Variants in RBMS3 observed in about 807,000 individuals in gnomAD.
The protein encoded by RBMS3 is RNA-binding motif, single-stranded-interacting protein 3.
Under a neutral mutation model 66.8 loss-of-function variants are expected in RBMS3, and 27 were observed. The ratio of observed to expected loss-of-function variants is 0.40; its 90% CI spans 0.30 to 0.56. The LOEUF (loss-of-function observed/expected upper bound fraction) is 0.56. Among genes scored for constraint, RBMS3 ranks in the 20% least tolerant of loss-of-function variants. The probability of loss-of-function intolerance (pLI) is 0.40; values close to 1 mark genes in which losing one functional copy is unlikely to be tolerated. For missense variants in RBMS3, 513 were observed against 549.5 expected, an observed-to-expected ratio of 0.93 and a Z score of 0.66; for synonymous variants, 188 against 183.0, an observed-to-expected ratio of 1.03 and a Z score of -0.22.
intron 10 of RBMS3, among the ~76,000 whole-genome samples, chr3:29,917,078 T>G (rs146709829): frequency 1.3e-5 from 2 of 152,180 alleles, no homozygotes; most frequent in East Asian, 3.9e-4. Flanking sequence ...CAACATACAT[T>G]TTTTGGGTGT....
chr3:29,294,077 T>A (rs958555455), intron 1 of RBMS3, among the ~76,000 whole-genome samples: 1 of 151,824 alleles, frequency 6.6e-6, no homozygotes, highest in Admixed American at 6.6e-5. Flanking sequence ...ACAGTTTTGA[T>A]CTCTGAATGC....
intron 4 of RBMS3, among the ~76,000 whole-genome samples, chr3:29,738,373 A>G (rs2054472685): frequency 6.6e-6 from 1 of 152,192 alleles, no homozygotes; most frequent in Non-Finnish European, 1.5e-5. Context: ...GTTCAATTAA[A>G]TATCTGGTAC....
chr3:29,454,533 C>T (rs891881408), intron 2 of RBMS3, among the ~76,000 whole-genome samples: 5 of 152,086 alleles, frequency 3.3e-5, no homozygotes, highest in African/African-American at 7.2e-5. Context: ...GTCTCTAATC[C>T]GCGTCACCAC....
intron 4 of RBMS3, among the ~76,000 whole-genome samples, chr3:29,646,219 G>C (rs2149204945): frequency 6.6e-6 from 1 of 152,326 alleles, no homozygotes; most frequent in East Asian, 1.9e-4. Flanking sequence ...AGACTGGACA[G>C]TACAAGTATA....
chr3:29,473,983 C>T (rs775126422), intron 2 of RBMS3, among the ~76,000 whole-genome samples: 9 of 152,228 alleles, frequency 5.9e-5, no homozygotes, highest in South Asian at 2.1e-4. Context: ...GCTCCTCAAG[C>T]GCCACCAAAG....
At chr3:29,471,995 A>G (rs979053452) in intron 2 of RBMS3, among the ~76,000 whole-genome samples, 2 of 152,140 alleles carry the variant, frequency 1.3e-5, no homozygotes, top group Non-Finnish European at 2.9e-5. Flanking sequence ...CATCCTCACT[A>G]GAAAACATTG....
intron 1 of RBMS3, among the ~76,000 whole-genome samples, chr3:29,404,204 A>G (rs945475450): frequency 2.0e-5 from 3 of 152,142 alleles, no homozygotes; most frequent in Admixed American, 1.3e-4. Context: ...CTCAGTTTCT[A>G]TAATTGATCT....
At chr3:29,531,279 C>T (rs1339352351) in intron 3 of RBMS3, among the ~76,000 whole-genome samples, 1 of 152,206 alleles carries the variant, frequency 6.6e-6, no homozygotes, top group Non-Finnish European at 1.5e-5. Flanking sequence ...TCAGAATCTG[C>T]ATTTTAACAA....
intron 6 of RBMS3, among the ~76,000 whole-genome samples, chr3:29,843,816 A>C (rs1327038626): frequency 6.6e-6 from 1 of 151,976 alleles, no homozygotes; most frequent in East Asian, 1.9e-4. Flanking sequence ...AGGCATTGTG[A>C]TATGCATCTG....
chr3:29,565,120 A>G (rs2046695262), intron 3 of RBMS3, among the ~76,000 whole-genome samples: 1 of 152,216 alleles, frequency 6.6e-6, no homozygotes, highest in Non-Finnish European at 1.5e-5. Context: ...ATAAACTGAT[A>G]TAAAATGAAG....
intron 14 of RBMS3, among the ~76,000 whole-genome samples, chr3:29,992,978 GAAGAGAATCTGTCAC>G (rs1698982924): frequency 1.3e-5 from 2 of 152,170 alleles, no homozygotes; most frequent in Admixed American, 6.5e-5. Context: ...AGTTGAGCAA[GAAGAGAATCTGTCAC>G]TTTTTAACTT....
At chr3:29,354,117 T>A (rs73828619) in intron 1 of RBMS3, among the ~76,000 whole-genome samples, 2,952 of 152,224 alleles carry the variant, frequency 0.019, 106 homozygotes, top group African/African-American at 0.067. Flanking sequence ...AATACTTTTT[T>A]AAATTACCCT....
intron 14 of RBMS3, among the ~76,000 whole-genome samples, chr3:30,000,744 T>C (rs1699563640): frequency 6.6e-6 from 1 of 152,142 alleles, no homozygotes. Flanking sequence ...TGTAGGGACA[T>C]GGATGAAACT....
At chr3:29,807,791 GGTGT>G (rs141326804) in intron 6 of RBMS3, among the ~76,000 whole-genome samples, 53 of 148,736 alleles carry the variant, frequency 3.6e-4, no homozygotes, top group Admixed American at 1.5e-3. Flanking sequence ...TATGTGAAGG[GGTGT>G]GTGTGTGTGT....
At chr3:29,705,667 C>T (rs886882052) in intron 4 of RBMS3, among the ~76,000 whole-genome samples, 9 of 152,248 alleles carry the variant, frequency 5.9e-5, no homozygotes, top group Middle Eastern at 3.4e-3. Flanking sequence ...CTGCACATCT[C>T]CTCTTGTAAT....
chr3:29,813,167 T>C (rs778842377), intron 6 of RBMS3, among the ~76,000 whole-genome samples: 1 of 152,158 alleles, frequency 6.6e-6, no homozygotes, highest in Non-Finnish European at 1.5e-5. Context: ...CACCTTTTCA[T>C]AGGCCCTTAA....
Position 29,435,450 on chromosome 3 carries a change from C to G in RBMS3, c.248+535C>G, listed in dbSNP as rs569712173. Among the ~76,000 whole-genome samples the G allele has an allele frequency of 1.1e-4, 16 of 152,300 alleles. No individual in the cohort carries two copies. The South Asian group carries it at 3.3e-3, about 32-fold the overall frequency. ...CTGCTGCCTAGTCCAGTGAAGCTAT[C>G]TCCCACCAAGGCCAAGGACCACACT... is the stretch of plus-strand genomic sequence containing the variant. On this transcript the variant is annotated intron_variant, in intron 2 of 14. Coordinates refer to ENST00000383767, the MANE Select transcript of RBMS3 (RefSeq NM_001003793.3).
intron 2 of RBMS3, among the ~76,000 whole-genome samples, chr3:29,438,426 C>T (rs553050852): frequency 4.6e-5 from 7 of 151,770 alleles, no homozygotes; most frequent in South Asian, 2.1e-4. Flanking sequence ...TGCTAATGAA[C>T]GGTAAGAAAA....
At chr3:29,636,148 G>C (rs2049465665) in intron 4 of RBMS3, among the ~76,000 whole-genome samples, 1 of 151,344 alleles carries the variant, frequency 6.6e-6, no homozygotes. Flanking sequence ...AATACCCATG[G>C]TTTACACTAA....
Sources: allele counts gnomAD v4.1 joint callset (sites outside exome capture counted in the v4.1 genomes callset), GRCh38; gene constraint gnomAD v4.1.1; transcripts MANE v1.5; gene names NCBI Gene and HGNC (gene_info 2026-07-23, HGNC 2026-07-21).